The following RBFOX3 variants were observed in gnomAD, a reference collection of about 807,000 sequenced individuals.
RBFOX3 encodes RNA binding protein fox-1 homolog 3.
In RBFOX3, 17 loss-of-function variants were observed where a neutral mutation model predicts 48.7. That is an observed-to-expected ratio of 0.35 (90% CI 0.24 to 0.52). The LOEUF (loss-of-function observed/expected upper bound fraction) is 0.52. Ranked by LOEUF, RBFOX3 falls within the 20% of genes least tolerant of loss-of-function variation. The probability of loss-of-function intolerance (pLI) is 0.94; values close to 1 mark genes in which losing one functional copy is unlikely to be tolerated. For missense variants in RBFOX3, 382 were observed against 497.5 expected (o/e 0.77, Z 2.21); for synonymous variants, 212 against 209.5 (o/e 1.01, Z -0.10).
chr17:79,266,279 C>T (rs567286457), intron 3 of RBFOX3, among the ~76,000 whole-genome samples: 3 of 152,370 alleles, frequency 2.0e-5, no homozygotes, highest in African/African-American at 4.8e-5. Context: ...CCCTTGAGGA[C>T]ATTTCAGCCC....
At chr17:79,542,345 C>A (rs13313569) in intron 1 of RBFOX3, among the ~76,000 whole-genome samples, 1 of 152,244 alleles carries the variant, frequency 6.6e-6, no homozygotes, top group East Asian at 1.9e-4. Context: ...GAGAAGGTAA[C>A]GAAACTATGC....
At chr17:79,233,099 A>C (rs2061226257) in intron 4 of RBFOX3, among the ~76,000 whole-genome samples, 1 of 152,228 alleles carries the variant, frequency 6.6e-6, no homozygotes, top group African/African-American at 2.4e-5. Context: ...AAACAGCCCA[A>C]ATGTCCTTCA....
chr17:79,136,691 C>T (rs1218567606), intron 4 of RBFOX3, among the ~76,000 whole-genome samples: 4 of 152,122 alleles, frequency 2.6e-5, no homozygotes, highest in Non-Finnish European at 5.9e-5. Context: ...GATCCTCACC[C>T]GGAACCGAGC....
chr17:79,268,119 G>C (rs898524), intron 3 of RBFOX3, among the ~76,000 whole-genome samples: 2 of 151,702 alleles, frequency 1.3e-5, no homozygotes, highest in Admixed American at 1.3e-4. Flanking sequence ...GAGTAGATGC[G>C]TTTCCTGGCT....
chr17:79,345,769 A>G (rs945795485), intron 2 of RBFOX3, among the ~76,000 whole-genome samples: 2 of 152,070 alleles, frequency 1.3e-5, no homozygotes, highest in Non-Finnish European at 2.9e-5. Context: ...TTCACTTCTT[A>G]AAGACTTCAC....
intron 4 of RBFOX3, among the ~76,000 whole-genome samples, chr17:79,188,580 T>G (rs1179437312): frequency 1.3e-5 from 2 of 152,126 alleles, no homozygotes; most frequent in African/African-American, 2.4e-5. Context: ...TATAAGCACA[T>G]CTCTCTCTTG....
intron 2 of RBFOX3, among the ~76,000 whole-genome samples, chr17:79,401,281 G>A (rs1309407567): frequency 1.3e-5 from 2 of 152,190 alleles, no homozygotes; most frequent in Admixed American, 6.5e-5. Flanking sequence ...ACGCCCCTGC[G>A]CACGCTGCTG....
intron 1 of RBFOX3, among the ~76,000 whole-genome samples, chr17:79,579,659 G>A (rs1466161537): frequency 2.0e-5 from 3 of 151,946 alleles, no homozygotes; most frequent in Non-Finnish European, 4.4e-5. Context: ...GTGGTCAGGT[G>A]GCTCAGGCAT....
intron 1 of RBFOX3, chr17:79,600,733 G>C (rs2145335518): frequency 6.6e-6 from 1 of 152,302 alleles, no homozygotes; most frequent in East Asian, 1.9e-4. Context: ...CGTCTAAGTG[G>C]AGGTGACTGA....
intron 4 of RBFOX3, among the ~76,000 whole-genome samples, chr17:79,193,799 A>G (rs1337437666): frequency 1.3e-5 from 2 of 152,202 alleles, no homozygotes; most frequent in East Asian, 3.9e-4. Context: ...TCTTCTCTAC[A>G]GGAAAAAGTG....
At chr17:79,358,594 G>T (rs891487477) in intron 2 of RBFOX3, among the ~76,000 whole-genome samples, 1 of 152,116 alleles carries the variant, frequency 6.6e-6, no homozygotes, top group Non-Finnish European at 1.5e-5. Context: ...CCTAGTAGCT[G>T]GGATTACAGG....
intron 2 of RBFOX3, among the ~76,000 whole-genome samples, chr17:79,346,531 TAGG>T (rs1163305019): frequency 1.3e-5 from 2 of 152,230 alleles, no homozygotes; most frequent in Non-Finnish European, 2.9e-5. Context: ...AGATATGCGA[TAGG>T]AGAAGTATCT....
chr17:79,596,943 T>C (rs1193924616), intron 1 of RBFOX3, among the ~76,000 whole-genome samples: 4 of 152,204 alleles, frequency 2.6e-5, no homozygotes, highest in Non-Finnish European at 4.4e-5. Context: ...TCCGTGTTGA[T>C]AGAAGGATCC....
intron 1 of RBFOX3, among the ~76,000 whole-genome samples, chr17:79,534,576 G>A (rs1334081103): frequency 2.0e-5 from 3 of 152,198 alleles, no homozygotes; most frequent in African/African-American, 7.2e-5. Flanking sequence ...CTCGGAACCA[G>A]CCAGAGGCTG....
chr17:79,557,202 G>A (rs1164066083), intron 1 of RBFOX3, among the ~76,000 whole-genome samples: 1 of 141,508 alleles, frequency 7.1e-6, no homozygotes, highest in Non-Finnish European at 1.5e-5. Flanking sequence ...CTCCAGCCTG[G>A]GTGACAGAGT....
chr17:79,552,859 A>G (rs1195522391), intron 1 of RBFOX3, among the ~76,000 whole-genome samples: 1 of 152,176 alleles, frequency 6.6e-6, no homozygotes, highest in Admixed American at 6.5e-5. Flanking sequence ...ATGGACATGC[A>G]TACATGCATA....
chr17:79,468,896 T>C (rs1471678662), intron 2 of RBFOX3, among the ~76,000 whole-genome samples: 5 of 146,108 alleles, frequency 3.4e-5, no homozygotes, highest in Admixed American at 3.4e-4. Flanking sequence ...GATAGATAGA[T>C]AGGAAGATAG....
intron 2 of RBFOX3, among the ~76,000 whole-genome samples, chr17:79,399,066 G>A (rs541987050): frequency 2.1e-4 from 32 of 152,282 alleles, no homozygotes; most frequent in Admixed American, 7.2e-4. Flanking sequence ...GAGTGACGCG[G>A]CTACAAGCCC....
intron 1 of RBFOX3, among the ~76,000 whole-genome samples, chr17:79,536,520 A>C (rs1330590076): frequency 1.3e-5 from 2 of 152,234 alleles, no homozygotes; most frequent in Non-Finnish European, 2.9e-5. Flanking sequence ...TACAGCTCCC[A>C]AAACACCCAC....
Sources: allele counts gnomAD v4.1 joint callset (sites outside exome capture counted in the v4.1 genomes callset), GRCh38; gene constraint gnomAD v4.1.1; transcripts MANE v1.5; gene names NCBI Gene and HGNC (gene_info 2026-07-23, HGNC 2026-07-21).